Variants in PCDHA5 observed in about 807,000 individuals in gnomAD.
The protein encoded by PCDHA5 is protocadherin alpha-5.
In PCDHA5, 43 loss-of-function variants were observed where a neutral mutation model predicts 61.6. The ratio of observed to expected loss-of-function variants is 0.70; its 90% CI spans 0.55 to 0.90. PCDHA5 has a LOEUF of 0.90. Among genes scored for constraint, PCDHA5 ranks in the 40% least tolerant of loss-of-function variants. PCDHA5 has a pLI of 0.00. For synonymous variants in PCDHA5, 627 were observed against 543.9 expected (o/e 1.15, Z -2.13); for missense variants, 1,298 against 1,222.7 (o/e 1.06, Z -0.92).
At chr5:140,947,610 C>T (rs989640335) in intron 1 of PCDHA5, among the ~76,000 whole-genome samples, 3 of 151,562 alleles carry the variant, frequency 2.0e-5, no homozygotes, top group South Asian at 2.1e-4. Flanking sequence ...GATTTGGTAT[C>T]TTAACAATAT....
chr5:140,863,770 G>A (rs953823411), intron 1 of PCDHA5: 6 of 240,128 alleles, frequency 2.5e-5, no homozygotes, highest in Non-Finnish European at 4.1e-5. Context: ...AAGCCGAGGC[G>A]GGCGGATCAC....
chr5:140,867,407 T>C (rs1376336154), intron 1 of PCDHA5: 1 of 152,154 alleles, frequency 6.6e-6, no homozygotes, highest in African/African-American at 2.4e-5. Flanking sequence ...ATATGTCTCC[T>C]TTAATTTTTT....
At position 140,829,016 on chromosome 5, in the gene PCDHA5, G is replaced by C. The variant is rs1554131717; in HGVS notation, c.2352+4889G>C. The C allele has an allele frequency of 5.0e-6, 8 of 1,613,532 alleles. No individual in the cohort carries two copies. In the East Asian group the frequency reaches 1.6e-4, roughly 31 times the overall value. ...AGAAATAGTGATTCGGGGTAATTTG[G>C]ATTTTGAACAAGAAAACTTATACAA... is the stretch of plus-strand genomic sequence containing the variant. On this transcript the variant is annotated intron_variant, in intron 1 of 3. Coordinates refer to ENST00000529859, the MANE Select transcript of PCDHA5 (RefSeq NM_018908.3).
intron 1 of PCDHA5, among the ~76,000 whole-genome samples, chr5:140,893,276 G>A (rs1554185570): frequency 6.6e-6 from 1 of 152,164 alleles, no homozygotes; most frequent in African/African-American, 2.4e-5. Context: ...TAGTGGAATT[G>A]CTGGATGATA....
intron 1 of PCDHA5, chr5:140,865,236 G>A (rs192476838): frequency 8.5e-5 from 13 of 152,224 alleles, no homozygotes; most frequent in Admixed American, 3.3e-4. Flanking sequence ...CAGAGAACAC[G>A]TATTTATAGC....
chr5:140,857,262 C>A (rs969366268), intron 1 of PCDHA5: 1 of 1,598,710 alleles, frequency 6.3e-7, no homozygotes, highest in Non-Finnish European at 8.6e-7. Context: ...AATTACTACT[C>A]ATTGGTGCTG....
At chr5:140,858,105 C>A (rs782612207) in intron 1 of PCDHA5, 2 of 1,597,672 alleles carry the variant, frequency 1.3e-6, no homozygotes, top group East Asian at 2.2e-5. Context: ...GTGGGCGTGG[C>A]GCCCGAGGTG....
At chr5:140,866,470 A>T (rs955596608) in intron 1 of PCDHA5, 1 of 152,128 alleles carries the variant, frequency 6.6e-6, no homozygotes, top group Non-Finnish European at 1.5e-5. Flanking sequence ...AGCTCATAAC[A>T]ACTGACAAAT....
intron 1 of PCDHA5, among the ~76,000 whole-genome samples, chr5:140,940,389 AT>A (rs2092602183): frequency 1.3e-5 from 2 of 151,932 alleles, no homozygotes; most frequent in Admixed American, 6.6e-5. Flanking sequence ...AATTTTGGTT[AT>A]TGTGTTTTTC....
chr5:140,979,186 C>T, intron 2 of PCDHA5, 179 bp downstream of exon 2: 2 of 914,118 alleles, frequency 2.2e-6, no homozygotes, highest in Non-Finnish European at 2.6e-6. Context: ...ATGGTCAGTG[C>T]CAGATGCTTA....
intron 1 of PCDHA5, chr5:140,855,838 A>G (rs1554147969): frequency 1.6e-6 from 1 of 616,858 alleles, no homozygotes. Flanking sequence ...TCGTACTTAC[A>G]CCTAAAGCCA....
At chr5:140,828,112 T>A (rs2150151121) in intron 1 of PCDHA5, 6 of 1,611,926 alleles carry the variant, frequency 3.7e-6, no homozygotes, top group Non-Finnish European at 5.1e-6. Context: ...CCCCGGAGGA[T>A]AGATTGGGAA....
chr5:140,996,691 C>A (rs150925396), intron 3 of PCDHA5, among the ~76,000 whole-genome samples: 217 of 152,274 alleles, frequency 1.4e-3, no homozygotes, highest in African/African-American at 5.0e-3. Context: ...TAGTATTCTT[C>A]TGAACCTCTA....
chr5:140,972,355 G>A (rs1190163389), intron 1 of PCDHA5, among the ~76,000 whole-genome samples: 3 of 150,946 alleles, frequency 2.0e-5, no homozygotes, highest in Admixed American at 2.0e-4. Context: ...TCACTATGTT[G>A]CACATGCTGT....
intron 1 of PCDHA5, among the ~76,000 whole-genome samples, chr5:140,921,151 AT>A (rs11299094): frequency 0.63 from 94,902 of 151,506 alleles, 30,179 homozygotes; most frequent in African/African-American, 0.71. Flanking sequence ...CAGCTAATGC[AT>A]TTTTTTTTTA....
At position 140,867,338 on chromosome 5, in the gene PCDHA5, A is replaced by C. The variant is rs535853406; in HGVS notation, c.2352+43211A>C. The stretch of plus-strand genomic sequence containing the variant: ...TGGTCTAATGTTATGTTTTGATTAG[A>C]GGCTACTATGATTGATTATTTTACA... On this transcript the variant is annotated intron_variant, in intron 1 of 3. Transcript: ENST00000529859. 3.3e-5 allele frequency: 5 copies of C among 152,270 alleles called. No individual in the cohort carries two copies. In the East Asian group the frequency reaches 5.8e-4, roughly 18 times the overall value. The allele number at this position is 152,270 out of a possible 1,614,324, so 9.4% of individuals were successfully genotyped here.
At chr5:140,865,937 T>C (rs529378074) in intron 1 of PCDHA5, 1 of 152,212 alleles carries the variant, frequency 6.6e-6, no homozygotes, top group Admixed American at 6.5e-5. Context: ...AGAAACTTCA[T>C]GATTGTCTTC....
At chr5:140,921,920 TTA>T (rs1253318185) in intron 1 of PCDHA5, among the ~76,000 whole-genome samples, 1 of 151,888 alleles carries the variant, frequency 6.6e-6, no homozygotes, top group African/African-American at 2.4e-5. Flanking sequence ...ATGATAAAAC[TTA>T]TAGTCAATAT....
At chr5:140,914,596 C>G (rs1454753124) in intron 1 of PCDHA5, among the ~76,000 whole-genome samples, 1 of 152,128 alleles carries the variant, frequency 6.6e-6, no homozygotes, top group Non-Finnish European at 1.5e-5. Context: ...TAAGTAGGAA[C>G]TTCCTCCTGC....
Sources: gnomAD v4.1 joint callset for allele counts (sites outside exome capture counted in the v4.1 genomes callset) on GRCh38, gnomAD v4.1.1 for gene constraint, MANE v1.5 for transcripts, NCBI Gene and HGNC (gene_info 2026-07-23, HGNC 2026-07-21) for gene names.